Variants in WDR27 observed in about 807,000 individuals in gnomAD.
WDR27 encodes the protein WD repeat-containing protein 27.
Under a neutral mutation model 114.4 loss-of-function variants are expected in WDR27, and 100 were observed. The ratio of observed to expected loss-of-function variants is 0.87; its 90% CI spans 0.74 to 1.03. WDR27 has a LOEUF of 1.03. Ranked by LOEUF, WDR27 falls within the 50% of genes least tolerant of loss-of-function variation. WDR27 has a pLI of 0.00. For missense variants in WDR27, 1,129 were observed against 1,092.9 expected (o/e 1.03, Z -0.47); for synonymous variants, 449 against 423.1 (o/e 1.06, Z -0.75).
In WDR27 at chr6:169,665,147, C is replaced by T. The variant is rs142844403; in HGVS notation, c.783+339G>A. 0.013 allele frequency: 13,196 copies of T among 979,854 alleles called. 1,530 individuals are homozygous for T. In the African/African-American group the frequency reaches 0.2, roughly 15 times the overall value. 60.7% of individuals were successfully genotyped at this position (979,854 alleles called of 1,614,324 possible). A position where few individuals can be genotyped will look rare whatever the true frequency, so the allele number is the denominator to read the frequency against. ...CCGTCCAGGGCGCCTCTCCGGGGCGCGGGCAGCACCCGTGGGAGCGGGGGA... is the reference window on the plus strand; with the variant it reads ...CCGTCCAGGGCGCCTCTCCGGGGCGTGGGCAGCACCCGTGGGAGCGGGGGA... On this transcript the variant is annotated intron_variant, in intron 7 of 25. Transcript: ENST00000448612.
chr6:169,639,812 G>A (rs1178390729), intron 17 of WDR27, among the ~76,000 whole-genome samples: 1 of 152,178 alleles, frequency 6.6e-6, no homozygotes, highest in Non-Finnish European at 1.5e-5. Context: ...TGTCAGGGCA[G>A]GAGGCATCTT....
rs1379374922 is a variant in WDR27 at position 169,633,015 on chromosome 6, C to T, written c.2155G>A (p.Ala719Thr). ...GCTATCACCGCTGCACTGCAGCCGG[C>T]GTTGAGGTCAAACACTTCCACGGTC... ...NRTVEVFDLN[A>T]GCSAAVIAEA... The change falls in exon 21 of 26, where the codon GCC (alanine) becomes ACC (threonine). Residue 719 changes from alanine (A) to threonine (T), a missense_variant. Physicochemically the swap from Ala to Thr is moderately conservative, Grantham distance 58 (BLOSUM62 0). Transcript: ENST00000448612. 9 of 1,598,370 alleles carry T rather than the reference C, an allele frequency of 5.6e-6. No homozygotes were observed. Among genetic ancestry groups the T allele is most frequent in the Admixed American group, 3.3e-5 (2 of 59,810 alleles).
At chr6:169,555,170 G>A (rs998731949) in intron 25 of WDR27, among the ~76,000 whole-genome samples, 2 of 152,116 alleles carry the variant, frequency 1.3e-5, no homozygotes, top group Admixed American at 1.3e-4. Flanking sequence ...TGTGATGCCC[G>A]GGTCCTCTTC....
At chr6:169,643,902 T>C in intron 16 of WDR27, 116 bp from the exon 17 acceptor site, 2 of 749,140 alleles carry the variant, frequency 2.7e-6, no homozygotes, top group Non-Finnish European at 4.2e-6. Context: ...TTCATACAAG[T>C]CACACTGTAG....
intron 23 of WDR27, among the ~76,000 whole-genome samples, chr6:169,587,983 A>G (rs1804975670): frequency 6.6e-6 from 1 of 152,230 alleles, no homozygotes; most frequent in African/African-American, 2.4e-5. Context: ...CAGCATCTCC[A>G]GGGGCACTTC....
At chr6:169,609,786 G>A (rs540376159) in intron 22 of WDR27, among the ~76,000 whole-genome samples, 4 of 152,194 alleles carry the variant, frequency 2.6e-5, no homozygotes, top group Non-Finnish European at 5.9e-5. Flanking sequence ...CAGAAAATGG[G>A]ATTTTTCTTT....
intron 25 of WDR27, among the ~76,000 whole-genome samples, chr6:169,482,489 C>T (rs1390015428): frequency 2.0e-5 from 3 of 152,132 alleles, no homozygotes; most frequent in South Asian, 4.2e-4. Context: ...CTCATTATGG[C>T]TTTGATTTGC....
chr6:169,512,464 A>G (rs2997887), intron 25 of WDR27, among the ~76,000 whole-genome samples: 134,463 of 152,172 alleles, frequency 0.88, 60,394 homozygotes, highest in Non-Finnish European at 0.94. Flanking sequence ...CAAAATAGAA[A>G]TACAACGATA....
At chr6:169,652,460 G>T (rs1822854738) in intron 13 of WDR27, among the ~76,000 whole-genome samples, 1 of 152,200 alleles carries the variant, frequency 6.6e-6, no homozygotes, top group African/African-American at 2.4e-5. Flanking sequence ...TGTTGGTCAG[G>T]ATGGTCTTGA....
chr6:169,514,757 A>AATAT (rs112203960), intron 25 of WDR27, among the ~76,000 whole-genome samples: 16,788 of 143,388 alleles, frequency 0.12, 1,143 homozygotes, highest in South Asian at 0.26. Flanking sequence ...AAAAAAAGAG[A>AATAT]ATATATATAT....
intron 23 of WDR27, among the ~76,000 whole-genome samples, chr6:169,595,130 C>A (rs1218787770): frequency 6.6e-6 from 1 of 152,228 alleles, no homozygotes; most frequent in Non-Finnish European, 1.5e-5. Context: ...CGTGCCACTG[C>A]ACTTCAGCCT....
chr6:169,634,118 ACAAT>A (rs1446805033), intron 20 of WDR27, among the ~76,000 whole-genome samples: 1 of 152,218 alleles, frequency 6.6e-6, no homozygotes, highest in Non-Finnish European at 1.5e-5. Context: ...CAGATGAGAT[ACAAT>A]GACTAAATTA....
Position 169,621,752 on chromosome 6 carries a change from G to A in WDR27, c.2224-8096C>T, listed in dbSNP as rs138904961. The stretch of plus-strand genomic sequence containing the variant: ...CACACATATACATACACACACACAC[G>A]CACACATATATACAGACGCACACAC... On this transcript the variant is annotated intron_variant, in intron 21 of 25. Transcript: ENST00000448612. 4.0e-3 allele frequency among the ~76,000 whole-genome samples: 551 copies of A among 139,146 alleles called. 8 individuals carry two copies. Among genetic ancestry groups the A allele is most frequent in the African/African-American group, 0.012 (466 of 37,350 alleles). 91.3% of individuals were successfully genotyped at this position (139,146 alleles called of 152,430 possible).
At chr6:169,530,358 A>T (rs1795441231) in intron 25 of WDR27, among the ~76,000 whole-genome samples, 1 of 152,220 alleles carries the variant, frequency 6.6e-6, no homozygotes, top group African/African-American at 2.4e-5. Flanking sequence ...AACAGAGATG[A>T]AAACAAGTCC....
chr6:169,648,836 C>T (rs570454272), intron 15 of WDR27, among the ~76,000 whole-genome samples: 9 of 152,354 alleles, frequency 5.9e-5, no homozygotes, highest in South Asian at 4.1e-4. Context: ...TCCCCAATGG[C>T]GTGGGCCACG....
chr6:169,650,162 A>C, intron 14 of WDR27, among the ~76,000 whole-genome samples: 1 of 126,978 alleles, frequency 7.9e-6, no homozygotes, highest in Admixed American at 8.0e-5. Context: ...CCATCCCTCC[A>C]TCCATCCCTC....
At chr6:169,528,523 TA>T (rs1795210204) in intron 25 of WDR27, among the ~76,000 whole-genome samples, 2 of 152,200 alleles carry the variant, frequency 1.3e-5, no homozygotes, top group African/African-American at 4.8e-5. Flanking sequence ...CAAACATCTT[TA>T]AAATAATATA....
chr6:169,538,703 T>TACACACACACACACACAC (rs10644528), intron 25 of WDR27, among the ~76,000 whole-genome samples: 6 of 143,856 alleles, frequency 4.2e-5, no homozygotes, highest in African/African-American at 1.5e-4. Context: ...CATACTGGAA[T>TACACACACACACACACAC]ACACACACAC....
rs774895499 is a variant in WDR27 at position 169,668,144 on chromosome 6, A to T, written c.498T>A (p.Asn166Lys). 10 of 1,614,024 alleles carry T rather than the reference A, an allele frequency of 6.2e-6. No individual in the cohort carries two copies. Among genetic ancestry groups the T allele is most frequent in the Non-Finnish European group, 5.1e-6 (6 of 1,179,878 alleles). Residue 166 changes from asparagine to lysine, a missense_variant, in exon 5 of 26, where the codon AAT (asparagine) becomes AAA (lysine). Transcript: ENST00000448612. ...TCGGTGGTGGGACTTTGTGGCGGTT[A>T]TTAACATCAGGACGTTCTATGTATG... ...SVTYIERPDV[N>K]NRHKVPPPTF...
Sources: gnomAD v4.1 joint callset for allele counts (sites outside exome capture counted in the v4.1 genomes callset) on GRCh38, gnomAD v4.1.1 for gene constraint, MANE v1.5 for transcripts, NCBI Gene and HGNC (gene_info 2026-07-23, HGNC 2026-07-21) for gene names.